ZNF385B: variants seen among roughly 807,000 people sequenced by gnomAD.
ZNF385B encodes the protein zinc finger protein 533.
In ZNF385B, 23 loss-of-function variants were observed where a neutral mutation model predicts 39.2. The ratio of observed to expected loss-of-function variants is 0.59; its 90% CI spans 0.42 to 0.83. ZNF385B has a LOEUF of 0.83. Among genes scored for constraint, ZNF385B ranks in the 40% least tolerant of loss-of-function variants. ZNF385B has a pLI of 0.00. For synonymous variants in ZNF385B, 205 were observed against 222.6 expected, an observed-to-expected ratio of 0.92 and a Z score of 0.70; for missense variants, 552 against 598.9, an observed-to-expected ratio of 0.92 and a Z score of 0.82.
chr2:179,506,976 G>T (rs1349104715), intron 5 of ZNF385B, among the ~76,000 whole-genome samples: 1 of 152,038 alleles, frequency 6.6e-6, no homozygotes, highest in East Asian at 1.9e-4. Flanking sequence ...CCTTAACAGG[G>T]TCATATATTC....
chr2:179,623,283 TA>T, intron 3 of ZNF385B, among the ~76,000 whole-genome samples: 1 of 152,100 alleles, frequency 6.6e-6, no homozygotes, highest in East Asian at 1.9e-4. Flanking sequence ...TTTTTTTTTT[TA>T]ACCTGGATTC....
At chr2:179,503,428 A>C (rs1312223291) in intron 5 of ZNF385B, among the ~76,000 whole-genome samples, 1 of 152,352 alleles carries the variant, frequency 6.6e-6, no homozygotes, top group East Asian at 1.9e-4. Flanking sequence ...GAAAATGAAA[A>C]CTAATGCAAA....
At chr2:179,838,397 A>G (rs1708365181) in intron 1 of ZNF385B, among the ~76,000 whole-genome samples, 1 of 152,204 alleles carries the variant, frequency 6.6e-6, no homozygotes, top group Non-Finnish European at 1.5e-5. Context: ...TGCTTATACA[A>G]TAGATTTATC....
Position 179,443,453 on chromosome 2 carries a change from G to A in ZNF385B, c.1258C>T (p.Gln420Ter). The A allele has an allele frequency of 6.2e-7, 1 of 1,602,120 alleles. No homozygotes were observed. Among genetic ancestry groups the A allele is most frequent in the Non-Finnish European group, 8.5e-7 (1 of 1,174,090 alleles). ...GCCAAAGGCTTCATCATATCTTTCT[G>A]GAATGCAAGTTTTGCCTAAGGGAGG... ...PSILAAKLAF[Q>*]KDMMKPLAPA... is the part of the protein sequence containing the mutation. The change falls in exon 10 of 10, where the codon CAG becomes TAG. Residue 420 changes from glutamine (Q) to a stop codon, truncating the protein, a stop_gained. Transcript: ENST00000410066. LOFTEE classifies it low-confidence loss of function (END_TRUNC).
intron 3 of ZNF385B, among the ~76,000 whole-genome samples, chr2:179,701,006 C>G (rs532139175): frequency 2.0e-5 from 3 of 152,070 alleles, no homozygotes; most frequent in Non-Finnish European, 4.4e-5. Flanking sequence ...GAGCAAGACT[C>G]CATTTCAAAA....
intron 1 of ZNF385B, among the ~76,000 whole-genome samples, chr2:179,839,933 C>T (rs1423652141): frequency 6.6e-6 from 1 of 152,176 alleles, no homozygotes; most frequent in Non-Finnish European, 1.5e-5. Flanking sequence ...AATCTCTTCC[C>T]TCCCTCCCAT....
chr2:179,824,690 A>C (rs1707581880), intron 1 of ZNF385B, among the ~76,000 whole-genome samples: 1 of 152,084 alleles, frequency 6.6e-6, no homozygotes, highest in African/African-American at 2.4e-5. Flanking sequence ...TCATTTCCAA[A>C]GCACCATATA....
intron 5 of ZNF385B, among the ~76,000 whole-genome samples, chr2:179,484,245 A>C (rs912650840): frequency 1.3e-5 from 2 of 152,112 alleles, no homozygotes; most frequent in African/African-American, 4.8e-5. Flanking sequence ...CTCTGCCTAA[A>C]CAACAAGGCT....
intron 5 of ZNF385B, among the ~76,000 whole-genome samples, chr2:179,509,394 A>G (rs1009816173): frequency 6.6e-6 from 1 of 152,222 alleles, no homozygotes; most frequent in Non-Finnish European, 1.5e-5. Flanking sequence ...TTCAAAAAAG[A>G]TGACTGAACT....
intron 3 of ZNF385B, among the ~76,000 whole-genome samples, chr2:179,576,702 T>C (rs1685861825): frequency 6.6e-6 from 1 of 152,188 alleles, no homozygotes; most frequent in African/African-American, 2.4e-5. Context: ...ATAAATTCTA[T>C]ATAGTCTATA....
intron 4 of ZNF385B, among the ~76,000 whole-genome samples, chr2:179,524,533 C>CA (rs2058742034): frequency 1.8e-5 from 2 of 112,454 alleles, no homozygotes; most frequent in African/African-American, 7.6e-5. Flanking sequence ...GCCTGGGTGA[C>CA]AGAGCGAGAC....
chr2:179,852,082 G>C (rs896970692), intron 1 of ZNF385B, among the ~76,000 whole-genome samples: 2 of 152,198 alleles, frequency 1.3e-5, no homozygotes, highest in African/African-American at 4.8e-5. Flanking sequence ...GGCTGAAAGA[G>C]GAGGTCTCTG....
chr2:179,779,154 C>A (rs6718670), intron 1 of ZNF385B, among the ~76,000 whole-genome samples: 12,392 of 151,282 alleles, frequency 0.082, 597 homozygotes, highest in Non-Finnish European at 0.11. Flanking sequence ...TTCTAAAAAA[C>A]ACAGTGCTGT....
In ZNF385B at chr2:179,446,666, C is replaced by T. The variant is rs775577501; in HGVS notation, c.820G>A (p.Ala274Thr). 1.2e-6 allele frequency: 2 copies of T among 1,614,092 alleles called. No homozygotes were observed. Among genetic ancestry groups the T allele is most frequent in the Non-Finnish European group, 1.7e-6 (2 of 1,180,008 alleles). The change falls in exon 7 of 10, where the codon GCC becomes ACC. Residue 274 changes from alanine (A) to threonine (T), a missense_variant. Coordinates refer to ENST00000410066, the MANE Select transcript of ZNF385B (RefSeq NM_152520.6). Reference sequence around the variant, plus strand: ...TTTGTGCTCTTGGAGGGAGAAGTGGCTGCTCCAGGTGGCAGGGGTGTTGTG... The same window carrying T: ...TTTGTGCTCTTGGAGGGAGAAGTGGTTGCTCCAGGTGGCAGGGGTGTTGTG... ...SGTTPLPPGA[A>T]TSPSKSTNGA...
intron 3 of ZNF385B, among the ~76,000 whole-genome samples, chr2:179,615,655 T>C (rs1353845341): frequency 6.6e-6 from 1 of 152,224 alleles, no homozygotes; most frequent in Non-Finnish European, 1.5e-5. Flanking sequence ...AGAACCGGGC[T>C]TGTAAGTTAT....
At chr2:179,541,309 A>T (rs949204974) in intron 4 of ZNF385B, among the ~76,000 whole-genome samples, 3 of 152,216 alleles carry the variant, frequency 2.0e-5, no homozygotes, top group Non-Finnish European at 4.4e-5. Flanking sequence ...ATATTTCTTC[A>T]TCAGGTACAA....
At chr2:179,757,177 T>C (rs1184483225) in intron 3 of ZNF385B, among the ~76,000 whole-genome samples, 3 of 152,226 alleles carry the variant, frequency 2.0e-5, no homozygotes, top group African/African-American at 7.2e-5. Context: ...GTTTTCCTTC[T>C]AACAGTCAGG....
chr2:179,755,445 G>A (rs535404912), intron 3 of ZNF385B, among the ~76,000 whole-genome samples: 1 of 152,140 alleles, frequency 6.6e-6, no homozygotes, highest in Non-Finnish European at 1.5e-5. Context: ...ATGTCTATTA[G>A]GTCTGCTTGG....
intron 5 of ZNF385B, among the ~76,000 whole-genome samples, chr2:179,488,540 C>T (rs1217719558): frequency 1.3e-5 from 2 of 152,238 alleles, no homozygotes; most frequent in Middle Eastern, 3.4e-3. Context: ...AAAAAACAGT[C>T]GAAGGAAAAA....
Sources: allele counts gnomAD v4.1 joint callset (sites outside exome capture counted in the v4.1 genomes callset), GRCh38; gene constraint gnomAD v4.1.1; transcripts MANE v1.5; gene names NCBI Gene and HGNC (gene_info 2026-07-23, HGNC 2026-07-21).